RBM20: variants seen among roughly 807,000 people sequenced by gnomAD.
RBM20 encodes the protein RNA binding motif protein 20.
In RBM20, 51 loss-of-function variants were observed where a neutral mutation model predicts 110.1. The observed-to-expected ratio is 0.46, with a 90% confidence interval of 0.37 to 0.59. The LOEUF (loss-of-function observed/expected upper bound fraction) is 0.59, where lower values mean the gene tolerates loss of function less well. Among genes scored for constraint, RBM20 ranks in the 20% least tolerant of loss-of-function variants. RBM20 has a pLI of 0.00. For missense variants in RBM20, 1,512 were observed against 1,574.9 expected (o/e 0.96, Z 0.68); for synonymous variants, 589 against 618.2 (o/e 0.95, Z 0.70).
intron 7 of RBM20, 81 bp from the exon 8 acceptor site, chr10:110,810,302 A>G (rs1438241097): frequency 1.4e-5 from 14 of 1,029,966 alleles, no homozygotes; most frequent in Non-Finnish European, 1.9e-5. Context: ...CCAGGCAATG[A>G]ATGACCCAGG....
chr10:110,702,480 G>C (rs1289046204), intron 1 of RBM20, among the ~76,000 whole-genome samples: 3 of 152,212 alleles, frequency 2.0e-5, no homozygotes, highest in Admixed American at 1.3e-4. Flanking sequence ...GGGCTGTAAT[G>C]GGCTCGGATG....
intron 1 of RBM20, among the ~76,000 whole-genome samples, chr10:110,721,540 G>A (rs182766103): frequency 2.0e-5 from 3 of 152,226 alleles, no homozygotes; most frequent in Admixed American, 1.3e-4. Flanking sequence ...TCCAGGCATC[G>A]TCCTCCCAGC....
intron 4 of RBM20, 106 bp from the exon 5 acceptor site, chr10:110,784,686 T>C (rs1244244902): frequency 1.0e-5 from 8 of 779,210 alleles, no homozygotes; most frequent in Non-Finnish European, 1.8e-5. Context: ...TCACTAATAA[T>C]ATGTGAAGGG....
Position 110,781,236 on chromosome 10 carries a change from G to C in RBM20, c.627G>C (p.Gln209His). 2 of 1,551,672 alleles carry C rather than the reference G, an allele frequency of 1.3e-6. No homozygotes were observed. Among genetic ancestry groups the C allele is most frequent in the South Asian group, 2.4e-5 (2 of 84,056 alleles). ...GGGTAATGCCTCAGACCCCTGGCCA[G>C]CCAGCAGTCATCTTGGGCATTGGCA... ...FTGVMPQTPG[Q>H]PAVILGIGKT... is the part of the protein sequence containing the mutation. The change falls in exon 2 of 14, where the codon CAG (glutamine) becomes CAC (histidine). Residue 209 changes from glutamine (Q) to histidine (H), a missense_variant. Physicochemically the swap from Gln to His is conservative, Grantham distance 24 (BLOSUM62 0). Around this residue, in one of 3 missense-constraint regions of RBM20, gnomAD observed 1,149 missense variants for 1,169.4 expected, o/e 0.98. Transcript: ENST00000369519.
At chr10:110,833,086 T>A (rs1425203047) in intron 13 of RBM20, among the ~76,000 whole-genome samples, 1 of 152,112 alleles carries the variant, frequency 6.6e-6, no homozygotes, top group East Asian at 1.9e-4. Flanking sequence ...CCAGCTGGCA[T>A]CTTTTTGAAA....
chr10:110,756,051 G>T (rs1030149943), intron 1 of RBM20, among the ~76,000 whole-genome samples: 1 of 152,184 alleles, frequency 6.6e-6, no homozygotes, highest in Non-Finnish European at 1.5e-5. Flanking sequence ...CAATGACAGC[G>T]GATTCCTGAC....
chr10:110,761,747 A>G (rs954467322), intron 1 of RBM20, among the ~76,000 whole-genome samples: 1 of 152,240 alleles, frequency 6.6e-6, no homozygotes, highest in African/African-American at 2.4e-5. Flanking sequence ...CACCCGCTGC[A>G]GGACATGTCC....
chr10:110,647,576 T>G (rs1861886175), intron 1 of RBM20, among the ~76,000 whole-genome samples: 1 of 152,118 alleles, frequency 6.6e-6, no homozygotes, highest in Non-Finnish European at 1.5e-5. Context: ...AATAATACCC[T>G]AAGAGGAGAT....
chr10:110,795,354 TGAG>T (rs1298448595), intron 5 of RBM20, among the ~76,000 whole-genome samples: 3 of 152,250 alleles, frequency 2.0e-5, no homozygotes, highest in African/African-American at 7.2e-5. Flanking sequence ...TTTAGGAAGA[TGAG>T]GAGCTGCTCT....
chr10:110,778,135 C>A (rs1251826933), intron 1 of RBM20, among the ~76,000 whole-genome samples: 1 of 152,194 alleles, frequency 6.6e-6, no homozygotes, highest in Non-Finnish European at 1.5e-5. Context: ...TGTTTGCAAC[C>A]AGCCCGGCTC....
intron 1 of RBM20, among the ~76,000 whole-genome samples, chr10:110,669,315 G>A (rs1862226974): frequency 6.6e-6 from 1 of 152,052 alleles, no homozygotes; most frequent in Admixed American, 6.6e-5. Context: ...GGGGGGACAG[G>A]GTTGTCTTTT....
Position 110,835,994 on chromosome 10 carries a change from TG to T in RBM20, c.*17del. On this transcript the variant is annotated 3_prime_UTR_variant, in exon 14 of 14. Transcript: ENST00000369519. ...AAAGCTCTGATGCTTCTGCTTCTGC[TG>T]CTACTGCTGCTGCTGCAAGGTTGGA... 1 of 932,488 alleles carries T rather than the reference TG, an allele frequency of 1.1e-6. No homozygotes were observed. 57.8% of individuals were successfully genotyped at this position (932,488 alleles called of 1,614,324 possible).
At chr10:110,658,421 G>A (rs1862056458) in intron 1 of RBM20, among the ~76,000 whole-genome samples, 1 of 152,222 alleles carries the variant, frequency 6.6e-6, no homozygotes, top group African/African-American at 2.4e-5. Flanking sequence ...ACAACCCTGT[G>A]AAGTAGGTAG....
chr10:110,650,252 A>G (rs1861927198), intron 1 of RBM20, among the ~76,000 whole-genome samples: 1 of 152,182 alleles, frequency 6.6e-6, no homozygotes, highest in African/African-American at 2.4e-5. Flanking sequence ...AGTTACAGTC[A>G]AGTTGATTGA....
Position 110,812,919 on chromosome 10 carries a change from G to T in RBM20, c.2522G>T (p.Arg841Ile). The T allele has an allele frequency of 6.9e-7, 1 of 1,452,808 alleles. No homozygotes were observed. The highest frequency in any genetic ancestry group is 1.5e-5 in the South Asian group (1 of 65,938). The allele number at this position is 1,452,808 out of a possible 1,614,324, so 90.0% of individuals were successfully genotyped here. A position where few individuals can be genotyped will look rare whatever the true frequency, so the allele number is the denominator to read the frequency against. The change falls in exon 9 of 14, where the codon AGA becomes ATA. Residue 841 changes from arginine (R) to isoleucine (I), a missense_variant. By Grantham distance (97) the Arg-to-Ile change is moderately conservative. Coordinates refer to ENST00000369519, the MANE Select transcript of RBM20 (RefSeq NM_001134363.3). ...TDRDQEGADD[R>I]KENTMAENEA... ...AGAGACCAAGAAGGAGCTGATGATA[G>T]AAAAGAAAACACAATGGCAGAGAAT... is the stretch of plus-strand genomic sequence containing the variant.
Position 110,821,716 on chromosome 10 carries a change from G to C in RBM20, c.3097G>C (p.Glu1033Gln). 1 of 1,551,756 alleles carries C rather than the reference G, an allele frequency of 6.4e-7. No homozygotes were observed. Among genetic ancestry groups the C allele is most frequent in the Non-Finnish European group, 8.7e-7 (1 of 1,147,008 alleles). The change falls in exon 11 of 14, where the codon GAG (glutamate) becomes CAG (glutamine). Residue 1033 changes from glutamate (E) to glutamine (Q), a missense_variant. Coordinates refer to ENST00000369519, the MANE Select transcript of RBM20 (RefSeq NM_001134363.3). ...DCYEKEAKGV[E>Q]SSDVHPAPTV... is the part of the protein sequence containing the mutation. The stretch of plus-strand genomic sequence containing the variant: ...CTACGAGAAGGAGGCAAAGGGAGTG[G>C]AGAGCTCAGATGTTCATCCAGCCCC...
intron 1 of RBM20, among the ~76,000 whole-genome samples, chr10:110,746,988 T>A (rs1326918677): frequency 2.6e-5 from 4 of 152,244 alleles, no homozygotes; most frequent in Non-Finnish European, 5.9e-5. Context: ...TGTATAACAG[T>A]GTCTGCAAAA....
chr10:110,813,651 A>G (rs934888341), intron 9 of RBM20, among the ~76,000 whole-genome samples: 4 of 152,046 alleles, frequency 2.6e-5, no homozygotes, highest in Non-Finnish European at 5.9e-5. Context: ...CCTGGCCAAT[A>G]TGGTGAAACC....
intron 1 of RBM20, among the ~76,000 whole-genome samples, chr10:110,736,093 T>C (rs11195295): frequency 0.25 from 37,716 of 152,198 alleles, 5,365 homozygotes; most frequent in Middle Eastern, 0.37. Context: ...GACCTGGAGA[T>C]GAAACACAAT....
Sources: allele counts gnomAD v4.1 joint callset (sites outside exome capture counted in the v4.1 genomes callset), GRCh38; gene constraint gnomAD v4.1.1; regional missense constraint gnomAD v4.1.1; transcripts MANE v1.5; gene names NCBI Gene and HGNC (gene_info 2026-07-23, HGNC 2026-07-21).